The following SLC28A3 variants were observed in gnomAD, a reference collection of about 807,000 sequenced individuals.
SLC28A3 encodes the protein concentrative Na(+)-nucleoside cotransporter 3.
A neutral mutation model predicts 84.2 loss-of-function variants in SLC28A3; 68 were observed. That is an observed-to-expected ratio of 0.81 (90% CI 0.66 to 0.99). SLC28A3 has a LOEUF of 0.99. Among genes scored for constraint, SLC28A3 ranks in the 50% least tolerant of loss-of-function variants. The probability of loss-of-function intolerance (pLI) is 0.00; values close to 1 mark genes in which losing one functional copy is unlikely to be tolerated. For synonymous variants in SLC28A3, 267 were observed against 303.6 expected (o/e 0.88, Z 1.25); for missense variants, 712 against 841.5 (o/e 0.85, Z 1.90).
chr9:84,341,659 G>A (rs1308714778), upstream of SLC28A3, among the ~76,000 whole-genome samples: 1 of 152,230 alleles, frequency 6.6e-6, no homozygotes, highest in East Asian at 1.9e-4. Context: ...CAGAAATGCC[G>A]ATATGTGACA....
chr9:84,326,298 TA>T (rs1343338120), intron 1 of SLC28A3, among the ~76,000 whole-genome samples: 5 of 152,110 alleles, frequency 3.3e-5, no homozygotes, highest in Non-Finnish European at 7.3e-5. Flanking sequence ...ACTATCGTTT[TA>T]AAGTAATTAA....
chr9:84,334,633 T>TG (rs959816783), intron 1 of SLC28A3, among the ~76,000 whole-genome samples: 1 of 151,872 alleles, frequency 6.6e-6, no homozygotes, highest in Admixed American at 6.6e-5. Flanking sequence ...AACGAATTTT[T>TG]TTTTTTTTAA....
intron 3 of SLC28A3, among the ~76,000 whole-genome samples, chr9:84,308,564 C>A (rs960131800): frequency 6.6e-5 from 10 of 152,000 alleles, no homozygotes; most frequent in Non-Finnish European, 1.2e-4. Context: ...AATTTAAAAT[C>A]TATTTCTAGA....
At chr9:84,279,798 G>A (rs562611580) in intron 16 of SLC28A3, among the ~76,000 whole-genome samples, 177 bp downstream of exon 16, 165 of 152,352 alleles carry the variant, frequency 1.1e-3, no homozygotes, top group African/African-American at 3.8e-3. Flanking sequence ...CCCTCATTCT[G>A]TTCTTAGCTC....
At position 84,313,355 on chromosome 9, in the gene SLC28A3, G is replaced by C; in HGVS notation, c.156+4C>G. The stretch of plus-strand genomic sequence containing the variant: ...TAGAGTCATGCACCACAGTCTTGCT[G>C]TACCTGTTTGGTGTTTGTGTGCTCC... On this transcript the variant is annotated splice_donor_region_variant and intron_variant, in intron 2 of 17. Coordinates refer to ENST00000376238, the MANE Select transcript of SLC28A3 (RefSeq NM_001199633.2). The C allele has an allele frequency of 6.2e-7, 1 of 1,613,732 alleles. No individual in the cohort carries two copies. The highest frequency in any genetic ancestry group is 8.5e-7 in the Non-Finnish European group (1 of 1,179,774).
At chr9:84,304,880 G>A (rs555802241) in intron 4 of SLC28A3, among the ~76,000 whole-genome samples, 1 of 152,122 alleles carries the variant, frequency 6.6e-6, no homozygotes, top group African/African-American at 2.4e-5. Context: ...AAATTAGCCG[G>A]GTGTGGTGAC....
intron 17 of SLC28A3, among the ~76,000 whole-genome samples, chr9:84,278,705 C>T (rs564410671): frequency 2.6e-5 from 4 of 152,090 alleles, no homozygotes; most frequent in South Asian, 2.1e-4. Context: ...TCACCATAGA[C>T]GATCATCGTG....
At chr9:84,284,450 G>T (rs535834777) in intron 14 of SLC28A3, among the ~76,000 whole-genome samples, 1 of 152,314 alleles carries the variant, frequency 6.6e-6, no homozygotes, top group East Asian at 1.9e-4. Flanking sequence ...AAGCTGGGAA[G>T]GATGGTAGTG....
the SLC28A3 span, among the ~76,000 whole-genome samples, chr9:84,359,100 C>A: frequency 6.6e-6 from 1 of 152,122 alleles, no homozygotes; most frequent in Non-Finnish European, 1.5e-5. Context: ...GTTTCCAAGT[C>A]AGCATCTCCA....
intron 16 of SLC28A3, 56 bp downstream of exon 16, chr9:84,279,919 C>T (rs1824673676): frequency 1.1e-5 from 18 of 1,566,690 alleles, no homozygotes; most frequent in Non-Finnish European, 1.5e-5. Context: ...ACTGCCTGTC[C>T]TGAAAGCTGC....
At chr9:84,326,175 C>T (rs1018014213) in intron 1 of SLC28A3, among the ~76,000 whole-genome samples, 2 of 151,684 alleles carry the variant, frequency 1.3e-5, no homozygotes, top group Admixed American at 6.6e-5. Flanking sequence ...GATACACTCA[C>T]CTTTGAATTT....
At chr9:84,322,687 A>T (rs2118514819) in intron 1 of SLC28A3, among the ~76,000 whole-genome samples, 1 of 152,288 alleles carries the variant, frequency 6.6e-6, no homozygotes, top group Non-Finnish European at 1.5e-5. Flanking sequence ...TTTATTAAAA[A>T]TACAAAAATT....
the SLC28A3 span, among the ~76,000 whole-genome samples, chr9:84,349,741 G>A: frequency 0.26 from 40,150 of 152,076 alleles, 7,070 homozygotes; most frequent in African/African-American, 0.5. Flanking sequence ...TGAGGTTCAC[G>A]AAGGGAGCAA....
intron 8 of SLC28A3, among the ~76,000 whole-genome samples, chr9:84,294,925 T>A (rs1171563212): frequency 6.6e-6 from 1 of 152,118 alleles, no homozygotes; most frequent in Non-Finnish European, 1.5e-5. Context: ...AGGCCCTTTG[T>A]TTTGGGTTAA....
At position 84,285,412 on chromosome 9, in the gene SLC28A3, G is replaced by A. The variant is rs1293730858; in HGVS notation, c.1580C>T (p.Ser527Leu). The A allele has an allele frequency of 1.2e-6, 2 of 1,614,052 alleles. No homozygotes were observed. The highest frequency in any genetic ancestry group is 1.7e-6 in the Non-Finnish European group (2 of 1,180,028). The change falls in exon 14 of 18, where the codon TCA becomes TTA. Residue 527 changes from serine to leucine, a missense_variant. Coordinates refer to ENST00000376238, the MANE Select transcript of SLC28A3 (RefSeq NM_001199633.2). ...FNEFVAYEHL[S>L]KWIHLRKEGG... ...TTCTTTCCTCAAGTGGATCCATTTT[G>A]AGAGGTGCTCATAAGCCACAAATTC... is the stretch of plus-strand genomic sequence containing the variant.
the SLC28A3 span, among the ~76,000 whole-genome samples, chr9:84,363,234 A>G: frequency 6.6e-6 from 1 of 152,212 alleles, no homozygotes; most frequent in Non-Finnish European, 1.5e-5. Context: ...TTCTTATATT[A>G]GGAGATTGAA....
chr9:84,290,551 C>A (rs937594765), intron 10 of SLC28A3, among the ~76,000 whole-genome samples: 4 of 152,118 alleles, frequency 2.6e-5, no homozygotes, highest in Non-Finnish European at 5.9e-5. Flanking sequence ...AGAACCCACA[C>A]CATCGACGTC....
At chr9:84,335,875 C>G (rs1826957266) in intron 1 of SLC28A3, among the ~76,000 whole-genome samples, 1 of 151,962 alleles carries the variant, frequency 6.6e-6, no homozygotes. Context: ...AGCATTTAGG[C>G]CCTCATCTTT....
intron 4 of SLC28A3, among the ~76,000 whole-genome samples, chr9:84,304,736 G>A (rs900358894): frequency 6.6e-6 from 1 of 152,102 alleles, no homozygotes; most frequent in East Asian, 1.9e-4. Flanking sequence ...AAAATTAGCT[G>A]CTGGGCCCGG....
Sources: allele counts gnomAD v4.1 joint callset (sites outside exome capture counted in the v4.1 genomes callset), GRCh38; gene constraint gnomAD v4.1.1; transcripts MANE v1.5; gene names NCBI Gene and HGNC (gene_info 2026-07-23, HGNC 2026-07-21).